Variants in FAM222A observed in about 807,000 individuals in gnomAD.
The protein encoded by FAM222A is family with sequence similarity 222 member A.
In FAM222A, 7 loss-of-function variants were observed where a neutral mutation model predicts 25.8. The ratio of observed to expected loss-of-function variants is 0.27; its 90% CI spans 0.15 to 0.51. The LOEUF is 0.51. Among genes scored for constraint, FAM222A ranks in the 20% least tolerant of loss-of-function variants. The probability of loss-of-function intolerance (pLI) is 0.97; values close to 1 mark genes in which losing one functional copy is unlikely to be tolerated. For synonymous variants in FAM222A, 294 were observed against 298.8 expected (o/e 0.98, Z 0.17); for missense variants, 573 against 640.5 (o/e 0.89, Z 1.14).
chr12:109,764,985 G>A (rs1315777116), intron 2 of FAM222A, among the ~76,000 whole-genome samples: 1 of 151,974 alleles, frequency 6.6e-6, no homozygotes, highest in Non-Finnish European at 1.5e-5. Flanking sequence ...GGGTCCACTT[G>A]CCCAGCCCCA....
At chr12:109,753,249 A>G (rs1888610425) in intron 2 of FAM222A, among the ~76,000 whole-genome samples, 1 of 152,132 alleles carries the variant, frequency 6.6e-6, no homozygotes. Flanking sequence ...GGAGGCAGAC[A>G]TGAGCACCCA....
intron 2 of FAM222A, among the ~76,000 whole-genome samples, chr12:109,753,513 G>C (rs1010623359): frequency 1.3e-5 from 2 of 151,366 alleles, no homozygotes; most frequent in Non-Finnish European, 2.9e-5. Flanking sequence ...AGAGGACCCC[G>C]CAGGGCCTAG....
intron 1 of FAM222A, among the ~76,000 whole-genome samples, chr12:109,743,001 T>C (rs1316586384): frequency 6.6e-6 from 1 of 152,146 alleles, no homozygotes; most frequent in Non-Finnish European, 1.5e-5. Context: ...TCTGCTTTCT[T>C]CTTCTTTTTT....
chr12:109,732,089 A>G (rs960684743), intron 1 of FAM222A, among the ~76,000 whole-genome samples: 1 of 151,952 alleles, frequency 6.6e-6, no homozygotes, highest in African/African-American at 2.4e-5. Context: ...TCGGTGGTTG[A>G]GAGTGCAGGT....
intron 2 of FAM222A, among the ~76,000 whole-genome samples, chr12:109,763,499 G>A (rs996736487): frequency 1.3e-5 from 2 of 152,214 alleles, no homozygotes; most frequent in African/African-American, 4.8e-5. Flanking sequence ...CCTGACTGGG[G>A]CTGGAGGATC....
At chr12:109,765,923 C>T (rs1005427851) in intron 2 of FAM222A, among the ~76,000 whole-genome samples, 3 of 152,176 alleles carry the variant, frequency 2.0e-5, no homozygotes, top group African/African-American at 7.2e-5. Flanking sequence ...CGCCATCTAC[C>T]GCACATGACC....
At chr12:109,744,271 G>A (rs1393594280) in intron 2 of FAM222A, 43 bp downstream of exon 2, 3 of 1,580,334 alleles carry the variant, frequency 1.9e-6, no homozygotes, top group African/African-American at 2.7e-5. Flanking sequence ...CAGGTCGTGG[G>A]CAGAGAACGC....
At chr12:109,735,571 A>G (rs889353176) in intron 1 of FAM222A, 1 of 152,182 alleles carries the variant, frequency 6.6e-6, no homozygotes, top group African/African-American at 2.4e-5. Flanking sequence ...GGCCCCTCCC[A>G]TCTCCACTGT....
At chr12:109,747,986 A>G (rs1294897306) in intron 2 of FAM222A, among the ~76,000 whole-genome samples, 1 of 152,222 alleles carries the variant, frequency 6.6e-6, no homozygotes, top group African/African-American at 2.4e-5. Flanking sequence ...TGTAGCTTCT[A>G]GATTTCCCCA....
intron 2 of FAM222A, among the ~76,000 whole-genome samples, chr12:109,766,958 C>T (rs544723762): frequency 6.6e-6 from 1 of 151,532 alleles, no homozygotes; most frequent in African/African-American, 2.4e-5. Context: ...TGCAATGGCA[C>T]AGTCACAGCT....
chr12:109,758,789 C>G (rs1248283618), intron 2 of FAM222A, among the ~76,000 whole-genome samples: 2 of 152,166 alleles, frequency 1.3e-5, no homozygotes, highest in African/African-American at 4.8e-5. Context: ...AGCTGCTCCC[C>G]CTGGCGAGCT....
chr12:109,746,553 G>A (rs1194794950), intron 2 of FAM222A, among the ~76,000 whole-genome samples: 1 of 152,042 alleles, frequency 6.6e-6, no homozygotes, highest in East Asian at 1.9e-4. Context: ...CAAAGTGTGA[G>A]GTGTGGATCT....
chr12:109,728,601 C>T (rs1887884139), intron 1 of FAM222A, among the ~76,000 whole-genome samples: 1 of 152,204 alleles, frequency 6.6e-6, no homozygotes, highest in Non-Finnish European at 1.5e-5. Context: ...CAGACTGGGG[C>T]ATCTGCCAGG....
chr12:109,723,220 C>T (rs1404347092), intron 1 of FAM222A, among the ~76,000 whole-genome samples: 1 of 152,140 alleles, frequency 6.6e-6, no homozygotes, highest in Non-Finnish European at 1.5e-5. Flanking sequence ...GAAAAGGTTC[C>T]CAAATGTGGG....
chr12:109,755,036 A>T (rs967909498), intron 2 of FAM222A, among the ~76,000 whole-genome samples: 1 of 152,066 alleles, frequency 6.6e-6, no homozygotes, highest in Admixed American at 6.5e-5. Flanking sequence ...TATATTCTAG[A>T]TACAAGTCCC....
intron 2 of FAM222A, among the ~76,000 whole-genome samples, chr12:109,766,408 G>A (rs370823240): frequency 6.6e-5 from 10 of 152,192 alleles, no homozygotes; most frequent in Non-Finnish European, 1.0e-4. Flanking sequence ...AGCACAGAGC[G>A]TACCCTTCAG....
chr12:109,739,260 C>T (rs531581257), intron 1 of FAM222A, among the ~76,000 whole-genome samples: 20 of 152,290 alleles, frequency 1.3e-4, no homozygotes, highest in African/African-American at 4.1e-4. Context: ...CCTGTGGACA[C>T]GAGGGAAAGT....
chr12:109,745,908 C>CTT (rs535591672), intron 2 of FAM222A, among the ~76,000 whole-genome samples: 1 of 141,130 alleles, frequency 7.1e-6, no homozygotes. Context: ...TCCTTGGCTC[C>CTT]TTTTTTTTTT....
intron 1 of FAM222A, among the ~76,000 whole-genome samples, chr12:109,729,233 G>GGTTTTA (rs1887896302): frequency 6.6e-6 from 1 of 151,516 alleles, no homozygotes; most frequent in Non-Finnish European, 1.5e-5. Flanking sequence ...TAGAATTCTA[G>GGTTTTA]TTTTTCTTTT....
Sources: allele counts gnomAD v4.1 joint callset (sites outside exome capture counted in the v4.1 genomes callset), GRCh38; gene constraint gnomAD v4.1.1; transcripts MANE v1.5; gene names NCBI Gene and HGNC (gene_info 2026-07-23, HGNC 2026-07-21).